DGKB: variants seen among roughly 807,000 people sequenced by gnomAD.
DGKB encodes diacylglycerol kinase beta.
In DGKB, 67 loss-of-function variants were observed where a neutral mutation model predicts 114.3. That is an observed-to-expected ratio of 0.59 (90% CI 0.48 to 0.72). DGKB has a LOEUF of 0.72. Ranked by LOEUF, DGKB falls within the 30% of genes least tolerant of loss-of-function variation. The pLI, the probability that DGKB is intolerant of heterozygous loss-of-function variation, is 0.00. For synonymous variants in DGKB, 398 were observed against 323.1 expected, an observed-to-expected ratio of 1.23 and a Z score of -2.49; for missense variants, 907 against 975.2, an observed-to-expected ratio of 0.93 and a Z score of 0.93.
intron 13 of DGKB, among the ~76,000 whole-genome samples, chr7:14,635,714 T>A (rs559247261): frequency 2.6e-4 from 40 of 151,758 alleles, no homozygotes; most frequent in Non-Finnish European, 4.7e-4. Context: ...TGTTTGTGTA[T>A]GTTTGGGACA....
chr7:14,178,290 A>G (rs1584273051), intron 23 of DGKB, 139 bp from the exon 24 acceptor site: 1 of 870,588 alleles, frequency 1.1e-6, no homozygotes, highest in Non-Finnish European at 1.7e-6. Context: ...AAAGTAATAA[A>G]AAGATGGCCT....
intron 2 of DGKB, among the ~76,000 whole-genome samples, chr7:14,828,556 G>C (rs112269569): frequency 0.022 from 3,331 of 152,070 alleles, 106 homozygotes; most frequent in African/African-American, 0.076. Context: ...CCTGCTACCA[G>C]TACTATCTGA....
At chr7:14,651,081 G>A (rs1002385227) in intron 13 of DGKB, among the ~76,000 whole-genome samples, 1 of 152,112 alleles carries the variant, frequency 6.6e-6, no homozygotes, top group South Asian at 2.1e-4. Context: ...AGGAGGAGCT[G>A]GTACCATTCC....
chr7:14,427,711 C>T (rs1413570815), intron 21 of DGKB, among the ~76,000 whole-genome samples: 2 of 152,014 alleles, frequency 1.3e-5, no homozygotes, highest in African/African-American at 2.4e-5. Flanking sequence ...GGGAAATTCC[C>T]GTTTTTAAAA....
intron 21 of DGKB, among the ~76,000 whole-genome samples, chr7:14,373,650 T>G (rs1194897289): frequency 1.3e-5 from 2 of 152,090 alleles, no homozygotes; most frequent in East Asian, 3.9e-4. Context: ...ATTTCTCACC[T>G]AGGACTTCTT....
chr7:14,839,594 G>T (rs182996689), intron 2 of DGKB, among the ~76,000 whole-genome samples: 3 of 151,476 alleles, frequency 2.0e-5, no homozygotes, highest in African/African-American at 7.3e-5. Flanking sequence ...TAGAGACAGG[G>T]TCTCACTGTT....
chr7:14,296,197 A>G (rs1802530581), intron 23 of DGKB, among the ~76,000 whole-genome samples: 1 of 151,860 alleles, frequency 6.6e-6, no homozygotes, highest in South Asian at 2.1e-4. Context: ...ATGCCCAGCT[A>G]ATTTTTGTAT....
intron 20 of DGKB, among the ~76,000 whole-genome samples, chr7:14,535,691 A>G (rs952003252): frequency 6.6e-6 from 1 of 152,032 alleles, no homozygotes; most frequent in African/African-American, 2.4e-5. Flanking sequence ...ATGTTCAAGC[A>G]ATTCTCCTGC....
chr7:14,545,572 A>G (rs562954413), intron 20 of DGKB, among the ~76,000 whole-genome samples: 24 of 152,332 alleles, frequency 1.6e-4, no homozygotes, highest in African/African-American at 5.5e-4. Context: ...CAAAGGAACT[A>G]TGAAGAACAA....
chr7:14,607,790 C>T (rs1002687426), intron 16 of DGKB, among the ~76,000 whole-genome samples: 3 of 151,862 alleles, frequency 2.0e-5, no homozygotes, highest in African/African-American at 7.2e-5. Flanking sequence ...TTAGGATATT[C>T]TCTAACCCGC....
chr7:14,883,974 A>C (rs554153871), intron 1 of DGKB, among the ~76,000 whole-genome samples: 52 of 152,110 alleles, frequency 3.4e-4, no homozygotes, highest in Non-Finnish European at 6.3e-4. Flanking sequence ...ACTTTGTATT[A>C]ATGTCATTAT....
At chr7:14,474,561 T>C (rs10242478) in intron 21 of DGKB, among the ~76,000 whole-genome samples, 8 of 152,250 alleles carry the variant, frequency 5.3e-5, no homozygotes, top group South Asian at 4.1e-4. Context: ...CTGCTTTGCA[T>C]GTTTTTCTAA....
chr7:14,313,623 A>C (rs979363846), intron 23 of DGKB, among the ~76,000 whole-genome samples: 65 of 152,280 alleles, frequency 4.3e-4, no homozygotes, highest in African/African-American at 1.5e-3. Flanking sequence ...CCTGGCTCGG[A>C]GGGTCCTACG....
At chr7:14,166,103 C>T (rs927083230) in intron 25 of DGKB, among the ~76,000 whole-genome samples, 18 of 152,204 alleles carry the variant, frequency 1.2e-4, no homozygotes, top group African/African-American at 4.3e-4. Context: ...GTGTCTTATA[C>T]TAACAGATAA....
chr7:14,430,751 A>C (rs1479651469), intron 21 of DGKB, among the ~76,000 whole-genome samples: 1 of 152,206 alleles, frequency 6.6e-6, no homozygotes, highest in Non-Finnish European at 1.5e-5. Context: ...ATATATAACT[A>C]CTTTCACATT....
chr7:14,497,157 G>T (rs1027736777), intron 20 of DGKB, among the ~76,000 whole-genome samples: 12 of 151,590 alleles, frequency 7.9e-5, no homozygotes, highest in African/African-American at 2.7e-4. Context: ...GGCATACAGA[G>T]TAGTATATTG....
chr7:14,770,560 C>T (rs1454863628), intron 2 of DGKB, among the ~76,000 whole-genome samples: 1 of 152,030 alleles, frequency 6.6e-6, no homozygotes, highest in East Asian at 1.9e-4. Flanking sequence ...TTTCTGTAAC[C>T]ATTCATCAAA....
Position 14,338,511 on chromosome 7 carries a change from T to G in DGKB, c.2122+4A>C, listed in dbSNP as rs142644850. 1.9e-5 allele frequency: 30 copies of G among 1,548,526 alleles called. No individual in the cohort carries two copies. The African/African-American group carries it at 2.9e-4, about 15-fold the overall frequency. ...ATTTAACAACTAATTGTTAGAAAACTGACCTTGACTTGCAAACTTCAACTC... is the reference window on the plus strand; with the variant it reads ...ATTTAACAACTAATTGTTAGAAAACGGACCTTGACTTGCAAACTTCAACTC... On this transcript the variant is annotated splice_donor_region_variant and intron_variant, in intron 23 of 25. Coordinates refer to ENST00000402815, the MANE Select transcript of DGKB (RefSeq NM_001350709.2).
intron 21 of DGKB, among the ~76,000 whole-genome samples, chr7:14,401,870 GT>G (rs975636133): frequency 3.3e-5 from 5 of 151,634 alleles, no homozygotes; most frequent in Non-Finnish European, 7.4e-5. Context: ...CGGATAGGAT[GT>G]TTTATTCCTT....
Sources: gnomAD v4.1 joint callset for allele counts (sites outside exome capture counted in the v4.1 genomes callset) on GRCh38, gnomAD v4.1.1 for gene constraint, MANE v1.5 for transcripts, NCBI Gene and HGNC (gene_info 2026-07-23, HGNC 2026-07-21) for gene names.